Variants in PTPRD observed in about 807,000 individuals in gnomAD.
PTPRD encodes the protein receptor-type tyrosine-protein phosphatase delta.
PTPRD carries 34 observed loss-of-function variants against 214.5 expected under a neutral mutation model. The ratio of observed to expected loss-of-function variants is 0.16; its 90% CI spans 0.12 to 0.21. PTPRD has a LOEUF of 0.21. PTPRD is among the 10% of genes least tolerant of loss of function. The probability of loss-of-function intolerance (pLI) is 1.00; values close to 1 mark genes in which losing one functional copy is unlikely to be tolerated. For synonymous variants in PTPRD, 1,128 were observed against 845.7 expected, an observed-to-expected ratio of 1.33 and a Z score of -5.79; for missense variants, 2,545 against 2,398.7, an observed-to-expected ratio of 1.06 and a Z score of -1.27.
intron 11 of PTPRD, among the ~76,000 whole-genome samples, chr9:8,785,637 G>T (rs763464586): frequency 6.6e-6 from 1 of 152,082 alleles, no homozygotes; most frequent in African/African-American, 2.4e-5. Context: ...ACTGCCAGTC[G>T]GCTTAACAAA....
At chr9:9,955,521 G>GTTTTTT (rs1194987444) in intron 4 of PTPRD, among the ~76,000 whole-genome samples, 20 of 145,602 alleles carry the variant, frequency 1.4e-4, no homozygotes, top group African/African-American at 5.0e-4. Context: ...GTTTTGTTTT[G>GTTTTTT]TTTTGTTTTT....
chr9:8,830,735 A>C (rs895824123), intron 11 of PTPRD, among the ~76,000 whole-genome samples: 1 of 152,136 alleles, frequency 6.6e-6, no homozygotes, highest in Non-Finnish European at 1.5e-5. Context: ...AAACAAGTGC[A>C]AATGGTCATT....
At chr9:8,674,837 T>C (rs960931742) in intron 12 of PTPRD, among the ~76,000 whole-genome samples, 8 of 152,174 alleles carry the variant, frequency 5.3e-5, no homozygotes, top group Admixed American at 3.3e-4. Flanking sequence ...GGGTTGTTTT[T>C]TGTATGTGTT....
chr9:9,427,267 C>T (rs2081321004), intron 8 of PTPRD, among the ~76,000 whole-genome samples: 1 of 152,090 alleles, frequency 6.6e-6, no homozygotes, highest in Non-Finnish European at 1.5e-5. Context: ...GTGACAAATG[C>T]ACAAGCTTCA....
At chr9:9,737,326 CAATAT>C (rs2098316776) in intron 6 of PTPRD, among the ~76,000 whole-genome samples, 1 of 152,074 alleles carries the variant, frequency 6.6e-6, no homozygotes, top group Non-Finnish European at 1.5e-5. Context: ...CCCTTTCTTT[CAATAT>C]GAGTGTGTTG....
intron 7 of PTPRD, among the ~76,000 whole-genome samples, chr9:9,728,186 A>T (rs2098125718): frequency 6.6e-6 from 1 of 152,094 alleles, no homozygotes; most frequent in African/African-American, 2.4e-5. Context: ...GCCACCTGGA[A>T]CTGTGAGCCC....
In PTPRD at chr9:8,370,454, G is replaced by T. The variant is rs143150161; in HGVS notation, c.4661+5482C>A. Among the ~76,000 whole-genome samples, 502 of 152,170 alleles carry T rather than the reference G, an allele frequency of 3.3e-3. 4 individuals carry two copies. The highest frequency in any genetic ancestry group is 0.011 in the African/African-American group (463 of 41,530). Reference sequence around the variant, plus strand: ...AAATCACTTATTACCTCCCTGTGCGGAATGCTCTTTGCAAGCAAAATATAC... The same window carrying T: ...AAATCACTTATTACCTCCCTGTGCGTAATGCTCTTTGCAAGCAAAATATAC... On this transcript the variant is annotated intron_variant, in intron 39 of 45. Transcript: ENST00000381196.
chr9:8,866,451 T>C (rs1333062471), intron 11 of PTPRD, among the ~76,000 whole-genome samples: 1 of 152,148 alleles, frequency 6.6e-6, no homozygotes, highest in Non-Finnish European at 1.5e-5. Flanking sequence ...TTGGCCCCAA[T>C]CTATGCCCCA....
intron 14 of PTPRD, among the ~76,000 whole-genome samples, chr9:8,542,804 G>A (rs1390231590): frequency 1.3e-5 from 2 of 152,196 alleles, no homozygotes; most frequent in Admixed American, 1.3e-4. Flanking sequence ...GCCTACACAC[G>A]TGAGCTCAGC....
At position 10,222,934 on chromosome 9, in the gene PTPRD, G is replaced by A. The variant is rs551889046; in HGVS notation, c.-545+118029C>T. On this transcript the variant is annotated intron_variant, in intron 3 of 45. Transcript: ENST00000381196. Reference sequence around the variant, plus strand: ...GTTTCTCTATTTGTGTTTGGTGGAGGGCAGTGGTAGTGGGGTCAGAAGAGG... The same window carrying A: ...GTTTCTCTATTTGTGTTTGGTGGAGAGCAGTGGTAGTGGGGTCAGAAGAGG... Among the ~76,000 whole-genome samples, 3 of 152,124 alleles carry A rather than the reference G, an allele frequency of 2.0e-5. No individual in the cohort carries two copies. In the South Asian group the frequency reaches 6.2e-4, roughly 32 times the overall value.
intron 31 of PTPRD, among the ~76,000 whole-genome samples, chr9:8,468,253 T>C (rs929951929): frequency 6.6e-6 from 1 of 152,046 alleles, no homozygotes; most frequent in African/African-American, 2.4e-5. Context: ...ACACGTTAAA[T>C]GGTTCAAATG....
At chr9:8,383,039 C>T (rs1205334989) in intron 37 of PTPRD, among the ~76,000 whole-genome samples, 1 of 152,200 alleles carries the variant, frequency 6.6e-6, no homozygotes. Context: ...AAACTGATAA[C>T]AGCAATGAAA....
chr9:9,895,540 A>G (rs1426193731), intron 5 of PTPRD, among the ~76,000 whole-genome samples: 1 of 152,090 alleles, frequency 6.6e-6, no homozygotes, highest in Non-Finnish European at 1.5e-5. Context: ...TGAAAAGTTT[A>G]TCTCATAGAA....
chr9:10,079,134 C>T (rs369975358), intron 3 of PTPRD, among the ~76,000 whole-genome samples: 1 of 150,940 alleles, frequency 6.6e-6, no homozygotes, highest in East Asian at 2.0e-4. Flanking sequence ...TATTGCTATC[C>T]CTCCCTCTAA....
intron 36 of PTPRD, among the ~76,000 whole-genome samples, chr9:8,398,561 A>C (rs2129705332): frequency 6.6e-6 from 1 of 152,316 alleles, no homozygotes; most frequent in East Asian, 1.9e-4. Flanking sequence ...AAACCTAATC[A>C]CCACTGTGAT....
chr9:8,948,553 TTATATATATTTA>T (rs2099084733), intron 11 of PTPRD, among the ~76,000 whole-genome samples: 8 of 74,124 alleles, frequency 1.1e-4, no homozygotes, highest in Non-Finnish European at 1.8e-4. Flanking sequence ...TTATATATAT[TTATATATATTTA>T]TATATATATA....
intron 7 of PTPRD, among the ~76,000 whole-genome samples, chr9:9,669,965 C>A (rs987478618): frequency 2.0e-5 from 3 of 152,102 alleles, no homozygotes; most frequent in Admixed American, 6.6e-5. Flanking sequence ...GTTCTAATTG[C>A]CCCTCAATAT....
chr9:8,412,993 G>A (rs192007336), intron 35 of PTPRD, among the ~76,000 whole-genome samples: 122 of 152,238 alleles, frequency 8.0e-4, no homozygotes, highest in African/African-American at 2.9e-3. Flanking sequence ...ATTGTTGTGC[G>A]ACTGATATTA....
At chr9:8,903,810 A>G (rs2098689285) in intron 11 of PTPRD, among the ~76,000 whole-genome samples, 1 of 147,180 alleles carries the variant, frequency 6.8e-6, no homozygotes, top group African/African-American at 2.7e-5. Flanking sequence ...GCAATATCCT[A>G]CAAGTGAATT....
Sources: allele counts gnomAD v4.1 joint callset (sites outside exome capture counted in the v4.1 genomes callset), GRCh38; gene constraint gnomAD v4.1.1; transcripts MANE v1.5; gene names NCBI Gene and HGNC (gene_info 2026-07-23, HGNC 2026-07-21).